BRD4: variants seen among roughly 807,000 people sequenced by gnomAD.
BRD4 encodes bromodomain-containing protein 4.
Under a neutral mutation model 142.1 loss-of-function variants are expected in BRD4, and 16 were observed. That is an observed-to-expected ratio of 0.11 (90% CI 0.08 to 0.17). The LOEUF is 0.17. Among genes scored for constraint, BRD4 ranks in the 10% least tolerant of loss-of-function variants. The pLI, the probability that BRD4 is intolerant of heterozygous loss-of-function variation, is 1.00. For synonymous variants in BRD4, 833 were observed against 707.5 expected, an observed-to-expected ratio of 1.18 and a Z score of -2.82; for missense variants, 1,424 against 1,810.9, an observed-to-expected ratio of 0.79 and a Z score of 3.88.
At chr19:15,240,130 G>A (rs2047227403) in intron 14 of BRD4, 108 bp from the exon 15 acceptor site, 9 of 1,439,068 alleles carry the variant, frequency 6.3e-6, no homozygotes, top group Non-Finnish European at 8.3e-6. Flanking sequence ...TGCATGTGCC[G>A]CCCAGGCCCT....
chr19:15,306,932 G>A (rs1351939894), intron 1 of BRD4, among the ~76,000 whole-genome samples: 1 of 152,128 alleles, frequency 6.6e-6, no homozygotes, highest in Non-Finnish European at 1.5e-5. Flanking sequence ...TTGGAAAAAT[G>A]GCACTGATAA....
Position 15,268,924 on chromosome 19 carries a change from T to C in BRD4, c.404A>G (p.Asn135Ser). 6.2e-7 allele frequency: 1 copy of C among 1,614,212 alleles called. No individual in the cohort carries two copies. The highest frequency in any genetic ancestry group is 8.5e-7 in the Non-Finnish European group (1 of 1,180,030). Residue 135 changes from asparagine (N) to serine (S), a missense_variant, in exon 3 of 20, where the codon AAT becomes AGT. Transcript: ENST00000679869. ...CIQDFNTMFT[N>S]CYIYNKPGDD... Reference sequence around the variant, plus strand: ...TCTCACCTTGTTGTAGATGTAACAATTTGTAAACATAGTGTTGAAGTCCTG... The same window carrying C: ...TCTCACCTTGTTGTAGATGTAACAACTTGTAAACATAGTGTTGAAGTCCTG...
intron 1 of BRD4, among the ~76,000 whole-genome samples, chr19:15,301,239 G>C (rs1568403796): frequency 2.0e-5 from 3 of 152,176 alleles, no homozygotes; most frequent in Non-Finnish European, 4.4e-5. Context: ...TCTAGAAAAA[G>C]CAAAATCATA....
At position 15,238,899 on chromosome 19, in the gene BRD4, C is replaced by A; in HGVS notation, c.3864G>T (p.Gln1288His). The change falls in exon 19 of 20, where the codon CAG (glutamine) becomes CAT (histidine). Residue 1288 changes from glutamine (Q) to histidine (H), a missense_variant. By Grantham distance (24) the Gln-to-His change is conservative. Transcript: ENST00000679869. The surrounding 1 kb of genome is among the most constrained non-coding windows in gnomAD (Gnocchi z 7.2). ...EARRRQEQQQ[Q>H]QRQEQQQQQQ... Reference sequence around the variant, plus strand: ...GCTGCTGCTGTTGCTCCTGGCGCTGCTGCTGCTGCTGCTCCTGGCGCCGAC... The same window carrying A: ...GCTGCTGCTGTTGCTCCTGGCGCTGATGCTGCTGCTGCTCCTGGCGCCGAC... 6.3e-7 allele frequency: 1 copy of A among 1,594,654 alleles called. No homozygotes were observed. The highest frequency in any genetic ancestry group is 8.5e-7 in the Non-Finnish European group (1 of 1,171,988).
Position 15,305,243 on chromosome 19 carries a change from A to G in BRD4, c.-35+27047T>C, listed in dbSNP as rs572817965. On this transcript the variant is annotated intron_variant, in intron 1 of 19. Transcript: ENST00000679869. ...TTTTTAGTAGGGACAGGGTTTCTCC[A>G]TGTTAGTCAGGCTGGTCTCAAACTC... 3.9e-5 allele frequency among the ~76,000 whole-genome samples: 6 copies of G among 152,178 alleles called. No individual in the cohort carries two copies. In the East Asian group the frequency reaches 5.8e-4, roughly 15 times the overall value.
intron 1 of BRD4, among the ~76,000 whole-genome samples, chr19:15,318,868 C>G (rs1359364855): frequency 1.3e-5 from 2 of 152,196 alleles, no homozygotes; most frequent in Non-Finnish European, 2.9e-5. Flanking sequence ...GGAAAGAGCA[C>G]AGGCTGACAA....
At chr19:15,251,736 C>T (rs2047349506) in intron 11 of BRD4, among the ~76,000 whole-genome samples, 1 of 152,228 alleles carries the variant, frequency 6.6e-6, no homozygotes, top group Admixed American at 6.5e-5. Context: ...CCGTACGAAA[C>T]CCTCGCAGCG....
chr19:15,237,704 G>C lies in BRD4; in HGVS notation c.*673C>G. ...GTTGGTGGCCTCACTCCCCGGCCGA[G>C]GGCTACCCACGCAGGACAGTCGCCT... On this transcript the variant is annotated 3_prime_UTR_variant, in exon 20 of 20. Transcript: ENST00000679869. 4.3e-6 allele frequency: 1 copy of C among 232,804 alleles called. No individual in the cohort carries two copies. Among genetic ancestry groups the C allele is most frequent in the Non-Finnish European group, 8.5e-6 (1 of 117,864 alleles). 14.4% of individuals were successfully genotyped at this position (232,804 alleles called of 1,614,324 possible).
In BRD4 at chr19:15,237,869, G is replaced by A. The variant is rs199837307; in HGVS notation, c.*508C>T. The A allele has an allele frequency of 8.5e-4, 203 of 237,668 alleles. No homozygotes were observed. Among genetic ancestry groups the A allele is most frequent in the Middle Eastern group, 1.2e-3 (1 of 810 alleles). The allele number at this position is 237,668 out of a possible 1,614,324, so 14.7% of individuals were successfully genotyped here. A position where few individuals can be genotyped will look rare whatever the true frequency, so the allele number is the denominator to read the frequency against. The stretch of plus-strand genomic sequence containing the variant: ...TGTTCAAGGCAAAGTCAGTGCCAGC[G>A]AGGGGGTGGGCCGGCCTCGCCCGCC... On this transcript the variant is annotated 3_prime_UTR_variant, in exon 20 of 20. Transcript: ENST00000679869.
At chr19:15,318,607 A>T (rs1394435406) in intron 1 of BRD4, among the ~76,000 whole-genome samples, 1 of 152,244 alleles carries the variant, frequency 6.6e-6, no homozygotes, top group African/African-American at 2.4e-5. Flanking sequence ...CACAGGGCAC[A>T]CATTAAGCCA....
intron 1 of BRD4, among the ~76,000 whole-genome samples, chr19:15,313,059 C>A (rs1272554825): frequency 1.3e-5 from 2 of 151,252 alleles, no homozygotes; most frequent in Admixed American, 6.6e-5. Context: ...ATGAGGGAGA[C>A]CCTGTCTTCA....
chr19:15,273,690 G>C (rs2047614995), intron 1 of BRD4, among the ~76,000 whole-genome samples: 1 of 152,128 alleles, frequency 6.6e-6, no homozygotes, highest in Non-Finnish European at 1.5e-5. Flanking sequence ...AAGTGCTCAG[G>C]GCAAAGCCAC....
rs995241758 is a variant in BRD4 at position 15,269,055 on chromosome 19, G to C, written c.286-13C>G. 1.2e-6 allele frequency: 2 copies of C among 1,613,640 alleles called. No individual in the cohort carries two copies. Among genetic ancestry groups the C allele is most frequent in the African/African-American group, 1.3e-5 (1 of 74,942 alleles). On this transcript the variant is annotated splice_polypyrimidine_tract_variant and intron_variant, in intron 2 of 19. Transcript: ENST00000679869. ...TCTTATAGTAATCCTGGAGAGCAGA[G>C]AGCAAAAGTCCAGTGTCACCTAGGC... is the stretch of plus-strand genomic sequence containing the variant.
rs564355137 is a variant in BRD4 at position 15,244,634 on chromosome 19, G to C, written c.2212-34C>G. The C allele has an allele frequency of 4.3e-6, 7 of 1,613,914 alleles. No individual in the cohort carries two copies. The East Asian group carries it at 1.3e-4, about 31-fold the overall frequency. ...AGAGAGACAGACAGACAGACAGGCTGATGTCAGGCAGGCAGAACTGGCCCG... is the reference window on the plus strand; with the variant it reads ...AGAGAGACAGACAGACAGACAGGCTCATGTCAGGCAGGCAGAACTGGCCCG... On this transcript the variant is annotated intron_variant, in intron 12 of 19. Coordinates refer to ENST00000679869, the MANE Select transcript of BRD4 (RefSeq NM_001379291.1).
chr19:15,311,344 A>G (rs1312880929), intron 1 of BRD4, among the ~76,000 whole-genome samples: 2 of 152,086 alleles, frequency 1.3e-5, no homozygotes, highest in Non-Finnish European at 2.9e-5. Flanking sequence ...TTGCACACTC[A>G]TGTTCACTGC....
At chr19:15,295,547 C>T (rs2047815960) in intron 1 of BRD4, among the ~76,000 whole-genome samples, 1 of 152,166 alleles carries the variant, frequency 6.6e-6, no homozygotes, top group Non-Finnish European at 1.5e-5. Flanking sequence ...TAGATGCTTT[C>T]CCCCTGCATC....
intron 1 of BRD4, among the ~76,000 whole-genome samples, chr19:15,277,968 T>A (rs947548593): frequency 3.3e-5 from 5 of 151,534 alleles, no homozygotes; most frequent in Admixed American, 6.6e-5. Context: ...TAGCCAGGCA[T>A]GGCAGCGGGC....
chr19:15,289,350 G>A (rs1381210345), intron 1 of BRD4, among the ~76,000 whole-genome samples: 5 of 152,232 alleles, frequency 3.3e-5, no homozygotes, highest in South Asian at 4.2e-4. Flanking sequence ...TCAGGAGTTC[G>A]GGACCAACCT....
Position 15,244,593 on chromosome 19 carries a change from T to C in BRD4, c.2219A>G (p.His740Arg). ...HPGREQKKHH[H>R]HHHQQMQQAP... Reference sequence around the variant, plus strand: ...CTGCTGCATCTGCTGATGGTGGTGATGATGGTGCTGCAGACAGAGAGACAG... The same window carrying C: ...CTGCTGCATCTGCTGATGGTGGTGACGATGGTGCTGCAGACAGAGAGACAG... Residue 740 changes from histidine to arginine, a missense_variant, in exon 13 of 20, where the codon CAT (histidine) becomes CGT (arginine). Physicochemically the swap from His to Arg is conservative, Grantham distance 29. Coordinates refer to ENST00000679869, the MANE Select transcript of BRD4 (RefSeq NM_001379291.1). 1 of 1,611,418 alleles carries C rather than the reference T, an allele frequency of 6.2e-7. No homozygotes were observed.
Sources: gnomAD v4.1 joint callset for allele counts (sites outside exome capture counted in the v4.1 genomes callset) on GRCh38, gnomAD v4.1.1 for gene constraint, Gnocchi (gnomAD v3.1) non-coding constraint, MANE v1.5 for transcripts, NCBI Gene and HGNC (gene_info 2026-07-23, HGNC 2026-07-21) for gene names.